Variants in GMDS observed in about 807,000 individuals in gnomAD.
GMDS encodes GDP-mannose 4,6-dehydratase, also known as GDP-mannose 4,6 dehydratase.
In GMDS, 20 loss-of-function variants were observed where a neutral mutation model predicts 49.9. That is an observed-to-expected ratio of 0.40 (90% CI 0.28 to 0.58). GMDS has a LOEUF of 0.58. GMDS is among the 20% of genes least tolerant of loss of function. GMDS has a pLI of 0.42. For missense variants in GMDS, 362 were observed against 481.4 expected, an observed-to-expected ratio of 0.75 and a Z score of 2.32; for synonymous variants, 177 against 178.6, an observed-to-expected ratio of 0.99 and a Z score of 0.07.
chr6:2,198,562 A>G (rs1180802207), intron 1 of GMDS, among the ~76,000 whole-genome samples: 1 of 141,438 alleles, frequency 7.1e-6, no homozygotes, highest in Non-Finnish European at 1.5e-5. Flanking sequence ...CAAATAAACA[A>G]AAAAAAAAAA....
intron 1 of GMDS, among the ~76,000 whole-genome samples, chr6:2,193,298 T>A (rs943798239): frequency 6.6e-6 from 1 of 152,258 alleles, no homozygotes; most frequent in Admixed American, 6.5e-5. Flanking sequence ...ACAAAGTATG[T>A]GTTAAACAGG....
chr6:1,999,538 G>A (rs1766524346), intron 4 of GMDS, among the ~76,000 whole-genome samples: 1 of 151,794 alleles, frequency 6.6e-6, no homozygotes, highest in Non-Finnish European at 1.5e-5. Flanking sequence ...TTTTGCTACA[G>A]TCTTGGAATT....
intron 8 of GMDS, among the ~76,000 whole-genome samples, chr6:1,738,148 T>TAC (rs1416363528): frequency 6.1e-5 from 1 of 16,474 alleles, no homozygotes; most frequent in Non-Finnish European, 1.6e-4. Flanking sequence ...CACACACAGA[T>TAC]ACACATACAC....
chr6:1,707,086 G>C (rs1351634321), intron 9 of GMDS, among the ~76,000 whole-genome samples: 2 of 152,190 alleles, frequency 1.3e-5, no homozygotes, highest in Admixed American at 1.3e-4. Flanking sequence ...GTGGATAACA[G>C]AGTAGTATTT....
At chr6:1,976,578 AT>A (rs1581450272) in intron 4 of GMDS, among the ~76,000 whole-genome samples, 1 of 152,236 alleles carries the variant, frequency 6.6e-6, no homozygotes, top group Non-Finnish European at 1.5e-5. Context: ...CTAATGGAGA[AT>A]AATTTCAATA....
At chr6:2,106,378 C>T (rs1046224279) in intron 4 of GMDS, among the ~76,000 whole-genome samples, 11 of 151,962 alleles carry the variant, frequency 7.2e-5, no homozygotes, top group South Asian at 2.1e-4. Context: ...TTATAAACTC[C>T]GCCATATGTA....
At chr6:2,231,985 A>G (rs1482836985) in intron 1 of GMDS, among the ~76,000 whole-genome samples, 1 of 152,224 alleles carries the variant, frequency 6.6e-6, no homozygotes, top group African/African-American at 2.4e-5. Context: ...GTGGTTCCCA[A>G]ATGTACTGTA....
intron 4 of GMDS, among the ~76,000 whole-genome samples, chr6:2,014,402 A>G (rs1479393989): frequency 6.6e-6 from 1 of 152,112 alleles, no homozygotes; most frequent in African/African-American, 2.4e-5. Flanking sequence ...TGGATAAGTG[A>G]AAAGAAGGAC....
intron 9 of GMDS, among the ~76,000 whole-genome samples, chr6:1,668,378 G>A (rs1321746670): frequency 6.6e-6 from 1 of 152,148 alleles, no homozygotes; most frequent in Non-Finnish European, 1.5e-5. Flanking sequence ...ATTATAAACT[G>A]TAGATTATAA....
At chr6:2,039,326 C>T (rs1177756553) in intron 4 of GMDS, among the ~76,000 whole-genome samples, 1 of 152,136 alleles carries the variant, frequency 6.6e-6, no homozygotes, top group Admixed American at 6.5e-5. Flanking sequence ...TTAATCCACA[C>T]TAATATGGAC....
At chr6:1,822,567 G>C (rs1770944021) in intron 7 of GMDS, among the ~76,000 whole-genome samples, 1 of 152,134 alleles carries the variant, frequency 6.6e-6, no homozygotes, top group Non-Finnish European at 1.5e-5. Context: ...TTCTAGATTA[G>C]CAAAATTAGA....
At chr6:2,022,218 C>G (rs769206422) in intron 4 of GMDS, among the ~76,000 whole-genome samples, 4 of 151,988 alleles carry the variant, frequency 2.6e-5, no homozygotes, top group Admixed American at 6.6e-5. Flanking sequence ...TAAAGAAAAT[C>G]TCATAGGAGG....
intron 7 of GMDS, among the ~76,000 whole-genome samples, chr6:1,783,017 T>C (rs550827790): frequency 2.0e-5 from 3 of 152,166 alleles, no homozygotes; most frequent in Non-Finnish European, 4.4e-5. Flanking sequence ...TAGTCGGGCA[T>C]GTTAGCATGC....
chr6:2,103,523 T>C (rs906156383), intron 4 of GMDS, among the ~76,000 whole-genome samples: 5 of 152,146 alleles, frequency 3.3e-5, no homozygotes, highest in African/African-American at 9.7e-5. Flanking sequence ...TCCTAAACAA[T>C]GTTAGCATTA....
rs1291465385 is a variant in GMDS at position 1,964,124 on chromosome 6, AT to A, written c.346-3159del. ...AAACAATTGCCTACGCTTTCCAGAG[AT>A]TTGTGGATTGCAGATTAAGAAACCT... is the stretch of plus-strand genomic sequence containing the variant. On this transcript the variant is annotated intron_variant, in intron 4 of 10. Coordinates refer to ENST00000380815, the MANE Select transcript of GMDS (RefSeq NM_001500.4). Among the ~76,000 whole-genome samples the A allele has an allele frequency of 2.6e-5, 4 of 152,194 alleles. No homozygotes were observed. In the East Asian group the frequency reaches 7.7e-4, roughly 29 times the overall value.
At chr6:1,844,071 A>C (rs1289729865) in intron 7 of GMDS, among the ~76,000 whole-genome samples, 1 of 152,214 alleles carries the variant, frequency 6.6e-6, no homozygotes, top group East Asian at 1.9e-4. Flanking sequence ...TACTTACGGA[A>C]TATCTATCAT....
intron 7 of GMDS, among the ~76,000 whole-genome samples, chr6:1,801,150 A>C (rs141763341): frequency 6.6e-6 from 1 of 152,332 alleles, no homozygotes; most frequent in African/African-American, 2.4e-5. Context: ...AAATGTGCTT[A>C]TTCTATGAGA....
At chr6:2,028,911 T>C (rs1768780353) in intron 4 of GMDS, among the ~76,000 whole-genome samples, 1 of 152,050 alleles carries the variant, frequency 6.6e-6, no homozygotes, top group African/African-American at 2.4e-5. Context: ...ATGCCAATAA[T>C]GTTTTGGGAG....
chr6:2,189,519 T>G (rs1015332192), intron 1 of GMDS, among the ~76,000 whole-genome samples: 1 of 152,164 alleles, frequency 6.6e-6, no homozygotes, highest in African/African-American at 2.4e-5. Flanking sequence ...TAAGAAATCC[T>G]AAGTAAATCT....
Sources: allele counts gnomAD v4.1 joint callset (sites outside exome capture counted in the v4.1 genomes callset), GRCh38; gene constraint gnomAD v4.1.1; transcripts MANE v1.5; gene names NCBI Gene and HGNC (gene_info 2026-07-23, HGNC 2026-07-21).